The following CAMKMT variants were observed in gnomAD, a reference collection of about 807,000 sequenced individuals.
CAMKMT encodes calmodulin-lysine N-methyltransferase.
A neutral mutation model predicts 48.0 loss-of-function variants in CAMKMT; 53 were observed. That is an observed-to-expected ratio of 1.10 (90% CI 0.89 to 1.39). The LOEUF is 1.39. CAMKMT is among the 40% of genes most tolerant of loss of function. The pLI, the probability that CAMKMT is intolerant of heterozygous loss-of-function variation, is 0.00. For synonymous variants in CAMKMT, 165 were observed against 152.3 expected (o/e 1.08, Z -0.61); for missense variants, 428 against 402.7 (o/e 1.06, Z -0.54).
chr2:44,419,967 A>G (rs1403918894), intron 3 of CAMKMT, among the ~76,000 whole-genome samples: 1 of 152,110 alleles, frequency 6.6e-6, no homozygotes. Flanking sequence ...ATGTAATGCC[A>G]TTGTTTCTTT....
rs148200193 is a variant in CAMKMT at position 44,766,457 on chromosome 2, C to T, written c.790C>T (p.Arg264Ter). Reference sequence around the variant, plus strand: ...GAAAGCGATGGTATTTGCCCCACGCCGAGGGAATACTTTAAACCAGTTTTG... The same window carrying T: ...GAAAGCGATGGTATTTGCCCCACGCTGAGGGAATACTTTAAACCAGTTTTG... ...RGKAMVFAPRRGNTLNQFCNL... is the reference protein window; with the variant it reads ...RGKAMVFAPR The change falls in exon 10 of 11, where the codon CGA (arginine) becomes TGA (stop). Residue 264 changes from arginine (R) to a stop codon, truncating the protein, a stop_gained. Coordinates refer to ENST00000378494, the MANE Select transcript of CAMKMT (RefSeq NM_024766.5). LOFTEE classifies it high-confidence loss of function. The T allele has an allele frequency of 1.0e-4, 165 of 1,613,980 alleles. No individual in the cohort carries two copies. The highest frequency in any genetic ancestry group is 1.4e-4 in the Non-Finnish European group (162 of 1,180,022).
At chr2:44,415,950 C>T (rs1031899101) in intron 3 of CAMKMT, among the ~76,000 whole-genome samples, 1 of 152,110 alleles carries the variant, frequency 6.6e-6, no homozygotes, top group African/African-American at 2.4e-5. Flanking sequence ...CTAAGCTGCA[C>T]GTAATAGTTT....
At chr2:44,416,271 T>C (rs1683543419) in intron 3 of CAMKMT, among the ~76,000 whole-genome samples, 1 of 152,214 alleles carries the variant, frequency 6.6e-6, no homozygotes, top group African/African-American at 2.4e-5. Flanking sequence ...TGATTTAGTT[T>C]ACTCTTATTT....
chr2:44,529,480 G>A (rs1423926579), intron 3 of CAMKMT, among the ~76,000 whole-genome samples: 1 of 152,174 alleles, frequency 6.6e-6, no homozygotes, highest in Non-Finnish European at 1.5e-5. Flanking sequence ...TGAAATAAAT[G>A]TGTTAGTGTG....
Position 44,515,218 on chromosome 2 carries a change from T to A in CAMKMT, c.376+124913T>A, listed in dbSNP as rs565231966. On this transcript the variant is annotated intron_variant, in intron 3 of 10. Transcript: ENST00000378494. Reference sequence around the variant, plus strand: ...TTTTGAATTTCCATAAGGGAGGGTTTGATATACTGCCAGATCAGTACTGGC... The same window carrying A: ...TTTTGAATTTCCATAAGGGAGGGTTAGATATACTGCCAGATCAGTACTGGC... Among the ~76,000 whole-genome samples the A allele has an allele frequency of 2.6e-5, 4 of 152,340 alleles. No homozygotes were observed. In the South Asian group the frequency reaches 8.3e-4, roughly 32 times the overall value.
chr2:44,587,043 C>G (rs748702324), intron 3 of CAMKMT, among the ~76,000 whole-genome samples: 1 of 152,294 alleles, frequency 6.6e-6, no homozygotes, highest in Non-Finnish European at 1.5e-5. Flanking sequence ...AAATGATCAT[C>G]TTTTCATTGC....
chr2:44,745,798 G>T (rs1054141229), intron 8 of CAMKMT, among the ~76,000 whole-genome samples: 1 of 152,194 alleles, frequency 6.6e-6, no homozygotes, highest in African/African-American at 2.4e-5. Context: ...TATTCGCGGG[G>T]ATGGGTAAGC....
In CAMKMT at chr2:44,400,551, C is replaced by A. The variant is rs1572766097; in HGVS notation, c.376+10246C>A. On this transcript the variant is annotated intron_variant, in intron 3 of 10. Transcript: ENST00000378494. ...ATTTAGTTATCTACTTAAGATGAGC[C>A]AATTCTCATTAGTCATGTTGTTTAT... Among the ~76,000 whole-genome samples, 3 of 151,936 alleles carry A rather than the reference C, an allele frequency of 2.0e-5. No homozygotes were observed. In the South Asian group the frequency reaches 6.2e-4, roughly 32 times the overall value.
intron 3 of CAMKMT, among the ~76,000 whole-genome samples, chr2:44,577,547 A>G (rs1007731259): frequency 6.6e-6 from 1 of 151,556 alleles, no homozygotes; most frequent in African/African-American, 2.4e-5. Context: ...TGAGTCTGAG[A>G]GGTCCAGGCT....
At chr2:44,768,361 A>ATATATATATATATATATTT (rs35058824) in intron 10 of CAMKMT, among the ~76,000 whole-genome samples, 68 of 115,696 alleles carry the variant, frequency 5.9e-4, no homozygotes, top group Admixed American at 1.7e-3. Context: ...ATATATATAT[A>ATATATATATATATATATTT]TTTTTTTTTT....
At chr2:44,641,951 T>C (rs1041158326) in intron 3 of CAMKMT, among the ~76,000 whole-genome samples, 1 of 152,178 alleles carries the variant, frequency 6.6e-6, no homozygotes, top group East Asian at 1.9e-4. Flanking sequence ...TTTCCCAGCA[T>C]CTACTGAGCT....
intron 3 of CAMKMT, among the ~76,000 whole-genome samples, chr2:44,572,043 A>G (rs1285277060): frequency 1.3e-5 from 2 of 152,174 alleles, no homozygotes; most frequent in Non-Finnish European, 2.9e-5. Flanking sequence ...ATTCAGTGGC[A>G]CTAAGTATAT....
At chr2:44,605,128 T>C (rs568720956) in intron 3 of CAMKMT, among the ~76,000 whole-genome samples, 24 of 152,290 alleles carry the variant, frequency 1.6e-4, no homozygotes, top group Admixed American at 7.2e-4. Flanking sequence ...GCTCTTTTTC[T>C]TAATTATTTG....
intron 3 of CAMKMT, among the ~76,000 whole-genome samples, chr2:44,691,618 G>T (rs1222344785): frequency 1.3e-5 from 2 of 152,062 alleles, no homozygotes; most frequent in African/African-American, 4.8e-5. Flanking sequence ...CCTTCTCTCA[G>T]CTCAGGTCAG....
intron 7 of CAMKMT, among the ~76,000 whole-genome samples, chr2:44,720,569 A>G (rs547574259): frequency 1.3e-5 from 2 of 152,206 alleles, no homozygotes; most frequent in Non-Finnish European, 2.9e-5. Flanking sequence ...ATGATAAATC[A>G]TTGTTAAACA....
intron 7 of CAMKMT, among the ~76,000 whole-genome samples, chr2:44,738,449 A>G (rs771195403): frequency 1.3e-5 from 2 of 152,246 alleles, no homozygotes; most frequent in Admixed American, 6.5e-5. Flanking sequence ...AGTGGACTTC[A>G]TATCTAGCTA....
intron 3 of CAMKMT, among the ~76,000 whole-genome samples, chr2:44,429,389 C>T (rs528901867): frequency 2.6e-5 from 4 of 151,960 alleles, no homozygotes; most frequent in South Asian, 2.1e-4. Context: ...ACTACTGTTT[C>T]GGTTTGTTCA....
intron 3 of CAMKMT, among the ~76,000 whole-genome samples, chr2:44,427,362 A>G (rs984195892): frequency 2.0e-5 from 3 of 152,254 alleles, no homozygotes; most frequent in Non-Finnish European, 4.4e-5. Context: ...AACAGATTAA[A>G]CAGACAACAT....
At chr2:44,395,073 T>G (rs1681707066) in intron 3 of CAMKMT, 1 of 424,270 alleles carries the variant, frequency 2.4e-6, no homozygotes, top group South Asian at 1.7e-5. Context: ...TTTACTTGTA[T>G]TTAGGAAACC....
Sources: allele counts gnomAD v4.1 joint callset (sites outside exome capture counted in the v4.1 genomes callset), GRCh38; gene constraint gnomAD v4.1.1; transcripts MANE v1.5; gene names NCBI Gene and HGNC (gene_info 2026-07-23, HGNC 2026-07-21).